ERICH1: variants seen among roughly 807,000 people sequenced by gnomAD.
ERICH1 encodes the protein glutamate-rich protein 1.
Under a neutral mutation model 39.6 loss-of-function variants are expected in ERICH1, and 56 were observed. That is an observed-to-expected ratio of 1.41 (90% CI 1.14 to 1.77). The LOEUF (loss-of-function observed/expected upper bound fraction) is 1.77. Ranked by LOEUF, ERICH1 falls within the 40% of genes most tolerant of loss-of-function variation. The probability of loss-of-function intolerance (pLI) is 0.00; values close to 1 mark genes in which losing one functional copy is unlikely to be tolerated. For missense variants in ERICH1, 826 were observed against 575.4 expected, an observed-to-expected ratio of 1.44 and a Z score of -4.45; for synonymous variants, 313 against 223.6, an observed-to-expected ratio of 1.40 and a Z score of -3.57.
At chr8:621,452 T>A (rs1797275304) in intron 3 of ERICH1, among the ~76,000 whole-genome samples, 1 of 151,988 alleles carries the variant, frequency 6.6e-6, no homozygotes, top group Admixed American at 6.5e-5. Flanking sequence ...GTATCAAACA[T>A]CACACAGTAA....
At chr8:694,248 C>T (rs1809616093) in intron 2 of ERICH1, among the ~76,000 whole-genome samples, 1 of 152,192 alleles carries the variant, frequency 6.6e-6, no homozygotes. Flanking sequence ...ATCTGATTCA[C>T]CGCAGCTGAT....
At chr8:710,120 C>G (rs1445633609) in intron 2 of ERICH1, among the ~76,000 whole-genome samples, 1 of 152,222 alleles carries the variant, frequency 6.6e-6, no homozygotes, top group Admixed American at 6.5e-5. Context: ...TAAACCTACG[C>G]TGACACACGT....
chr8:710,853 T>C lies in ERICH1; in HGVS notation c.169+5008A>G, dbSNP rs190705189. Among the ~76,000 whole-genome samples, 202 of 152,376 alleles carry C rather than the reference T, an allele frequency of 1.3e-3. 1 individual carries two copies. Among genetic ancestry groups the C allele is most frequent in the South Asian group, 0.012 (58 of 4,832 alleles). On this transcript the variant is annotated intron_variant, in intron 2 of 5. Coordinates refer to ENST00000262109, the MANE Select transcript of ERICH1 (RefSeq NM_207332.3). Reference sequence around the variant, plus strand: ...CTATAAACATCCATGTGCAGGTTTATTGACGTTTTCCATCTATTTGGATAA... The same window carrying C: ...CTATAAACATCCATGTGCAGGTTTACTGACGTTTTCCATCTATTTGGATAA...
intron 3 of ERICH1, among the ~76,000 whole-genome samples, chr8:655,311 G>C (rs1800491948): frequency 6.6e-6 from 1 of 152,226 alleles, no homozygotes; most frequent in Admixed American, 6.5e-5. Context: ...CCACAGGCAG[G>C]TTGTAAGCAA....
At position 636,204 on chromosome 8, in the gene ERICH1, G is replaced by A. The variant is rs62486198; in HGVS notation, c.977-20920C>T. On this transcript the variant is annotated intron_variant, in intron 3 of 3. Transcript: ENST00000522706. Reference sequence around the variant, plus strand: ...CTGCCCTGGGCCGAGCTGAATCCCTGCGCCCCAACCACCTCCATGGCCCTG... The same window carrying A: ...CTGCCCTGGGCCGAGCTGAATCCCTACGCCCCAACCACCTCCATGGCCCTG... Among the ~76,000 whole-genome samples the A allele has an allele frequency of 9.2e-3, 1,403 of 152,322 alleles. 11 individuals carry two copies. The highest frequency in any genetic ancestry group is 0.015 in the Non-Finnish European group (987 of 68,022).
At chr8:662,956 GCCTCAT>G (rs1801651139), downstream of ERICH1, among the ~76,000 whole-genome samples, 2 of 152,212 alleles carry the variant, frequency 1.3e-5, no homozygotes, top group Admixed American at 1.3e-4. Context: ...TGCAGCTCCT[GCCTCAT>G]GTGTGGCCTC....
Position 673,335 on chromosome 8 carries a change from A to G in ERICH1, c.1017T>C (p.Ser339=), listed in dbSNP as rs773734356. Residue 339 remains serine (S), a synonymous_variant, in exon 4 of 6, where the codon AGT becomes AGC. Transcript: ENST00000262109. ...GTGTTGACTTCAAAAAATTTAGAAT[A>G]CTGTGTGCCTTTTCATTGGTAATTG... The part of the protein sequence containing the change: ...DDTITNEKAH[S]ILNFLKSTQE... The G allele has an allele frequency of 8.1e-6, 13 of 1,613,334 alleles. No individual in the cohort carries two copies. Among genetic ancestry groups the G allele is most frequent in the Non-Finnish European group, 1.7e-6 (2 of 1,179,406 alleles).
At chr8:663,530 C>T (rs1386784455), downstream of ERICH1, among the ~76,000 whole-genome samples, 1 of 151,194 alleles carries the variant, frequency 6.6e-6, no homozygotes, top group Non-Finnish European at 1.5e-5. Context: ...GCGGGACAGG[C>T]GGGACAGGCA....
At chr8:663,679 A>G (rs1483695695), downstream of ERICH1, among the ~76,000 whole-genome samples, 2 of 152,120 alleles carry the variant, frequency 1.3e-5, no homozygotes. Context: ...AATGAGCTGT[A>G]TGTATGTTTT....
intron 3 of ERICH1, among the ~76,000 whole-genome samples, chr8:653,978 G>T (rs573871933): frequency 6.6e-6 from 1 of 152,324 alleles, no homozygotes; most frequent in South Asian, 2.1e-4. Flanking sequence ...CTGAGCAGAG[G>T]TCCCTGGAGA....
At chr8:616,427 A>C (rs1000004114) in intron 3 of ERICH1, 2 of 425,968 alleles carry the variant, frequency 4.7e-6, no homozygotes, top group African/African-American at 4.1e-5. Context: ...CGAACCCCGC[A>C]CACCCCATGC....
intron 3 of ERICH1, among the ~76,000 whole-genome samples, chr8:631,244 G>C (rs1275705765): frequency 2.0e-5 from 3 of 152,248 alleles, no homozygotes; most frequent in Non-Finnish European, 4.4e-5. Flanking sequence ...CCTGGGTGCT[G>C]CCCACACACT....
chr8:725,518 C>G (rs527475867), intron 1 of ERICH1: 2 of 152,740 alleles, frequency 1.3e-5, no homozygotes, highest in East Asian at 3.9e-4. Context: ...CAGGGATGGG[C>G]ACATTGGGCA....
intron 2 of ERICH1, among the ~76,000 whole-genome samples, chr8:694,651 C>T (rs941652488): frequency 2.0e-5 from 3 of 152,226 alleles, no homozygotes; most frequent in African/African-American, 4.8e-5. Context: ...AGGAGCACCA[C>T]GAGGGGCCTC....
At chr8:654,221 C>T (rs188145849) in intron 3 of ERICH1, among the ~76,000 whole-genome samples, 24 of 152,276 alleles carry the variant, frequency 1.6e-4, no homozygotes, top group African/African-American at 5.3e-4. Flanking sequence ...GCAAAATACG[C>T]CAAAGGCTTT....
intron 3 of ERICH1, among the ~76,000 whole-genome samples, chr8:654,298 C>A (rs767757245): frequency 6.6e-6 from 1 of 152,164 alleles, no homozygotes. Flanking sequence ...TTAATTGAGG[C>A]CCGTTAACTT....
intron 3 of ERICH1, among the ~76,000 whole-genome samples, chr8:651,501 T>G (rs202110372): frequency 6.6e-6 from 1 of 151,936 alleles, no homozygotes; most frequent in Non-Finnish European, 1.5e-5. Context: ...GTGGAGAAAA[T>G]GCAGGAGCCA....
intron 3 of ERICH1, among the ~76,000 whole-genome samples, chr8:628,469 G>A (rs902999613): frequency 6.6e-6 from 1 of 152,234 alleles, no homozygotes; most frequent in Non-Finnish European, 1.5e-5. Flanking sequence ...CCCTGCAGAG[G>A]GCATGTGGCT....
intron 3 of ERICH1, among the ~76,000 whole-genome samples, chr8:621,544 A>G (rs905632201): frequency 3.3e-5 from 5 of 151,798 alleles, no homozygotes; most frequent in Admixed American, 2.0e-4. Context: ...AAGAGAAAGG[A>G]GATAGAGAAG....
Sources: allele counts gnomAD v4.1 joint callset (sites outside exome capture counted in the v4.1 genomes callset), GRCh38; gene constraint gnomAD v4.1.1; transcripts MANE v1.5; gene names NCBI Gene and HGNC (gene_info 2026-07-23, HGNC 2026-07-21).